Variants in DNAH10 observed in about 807,000 individuals in gnomAD.
DNAH10 encodes the protein axonemal beta dynein heavy chain 10.
Under a neutral mutation model 506.6 loss-of-function variants are expected in DNAH10, and 348 were observed. That is an observed-to-expected ratio of 0.69 (90% CI 0.63 to 0.75). The LOEUF (loss-of-function observed/expected upper bound fraction) is 0.75, where lower values mean the gene tolerates loss of function less well. Ranked by LOEUF, DNAH10 falls within the 30% of genes least tolerant of loss-of-function variation. The probability of loss-of-function intolerance (pLI) is 0.00; values close to 1 mark genes in which losing one functional copy is unlikely to be tolerated. For missense variants in DNAH10, 5,179 were observed against 5,787.1 expected (o/e 0.89, Z 3.41); for synonymous variants, 2,059 against 2,198.6 (o/e 0.94, Z 1.78).
chr12:123,845,075 A>G (rs897485980), intron 30 of DNAH10, among the ~76,000 whole-genome samples: 1 of 152,180 alleles, frequency 6.6e-6, no homozygotes, highest in Non-Finnish European at 1.5e-5. Context: ...ACAGTGCACA[A>G]TTGTAGTTGG....
intron 37 of DNAH10, among the ~76,000 whole-genome samples, chr12:123,858,071 G>A (rs1437330901): frequency 1.3e-5 from 2 of 151,674 alleles, no homozygotes; most frequent in East Asian, 3.9e-4. Context: ...TATATATATA[G>A]TTTTTTTTCA....
At chr12:123,789,084 T>C (rs1357983429) in intron 10 of DNAH10, among the ~76,000 whole-genome samples, 3 of 151,746 alleles carry the variant, frequency 2.0e-5, no homozygotes, top group Admixed American at 6.6e-5. Flanking sequence ...CCTGTCTCTA[T>C]GAAAAATACA....
At chr12:123,819,435 G>A (rs933361244) in intron 23 of DNAH10, among the ~76,000 whole-genome samples, 185 bp downstream of exon 23, 1 of 150,564 alleles carries the variant, frequency 6.6e-6, no homozygotes, top group Non-Finnish European at 1.5e-5. Context: ...GGATTAATGC[G>A]ACTCATTGAT....
intron 26 of DNAH10, among the ~76,000 whole-genome samples, chr12:123,832,746 CTG>C (rs1285310266): frequency 4.6e-5 from 7 of 152,306 alleles, no homozygotes; most frequent in African/African-American, 1.7e-4. Context: ...AATCTCATAA[CTG>C]TGCAGACTTC....
chr12:123,870,285 G>C, intron 43 of DNAH10, 81 bp from the exon 44 acceptor site: 1 of 1,535,078 alleles, frequency 6.5e-7, no homozygotes, highest in Non-Finnish European at 8.8e-7. Context: ...AGCAACATTA[G>C]TTCATTTCAA....
chr12:123,763,397 ACCT>A (rs1008688860), intron 1 of DNAH10, among the ~76,000 whole-genome samples: 3 of 151,682 alleles, frequency 2.0e-5, no homozygotes, highest in Non-Finnish European at 4.4e-5. Flanking sequence ...AGCTACCGGG[ACCT>A]CCTGCCTGGC....
rs1214641455 is a variant in DNAH10, at chr12:123,790,225, C to A, written c.1815+104C>A. Reference sequence around the variant, plus strand: ...TGATGCTTAGTCTTTTTTTTTAAATCACAAGTAATACCTGCTTATTAATTA... The same window carrying A: ...TGATGCTTAGTCTTTTTTTTTAAATAACAAGTAATACCTGCTTATTAATTA... On this transcript the variant is annotated intron_variant, in intron 11 of 78. Coordinates refer to ENST00000673944, the MANE Select transcript of DNAH10 (RefSeq NM_001372106.1). 7.6e-6 allele frequency: 9 copies of A among 1,176,928 alleles called. No individual in the cohort carries two copies. In the East Asian group the frequency reaches 1.9e-4, roughly 25 times the overall value. The allele number at this position is 1,176,928 out of a possible 1,614,324, so 72.9% of individuals were successfully genotyped here.
intron 65 of DNAH10, among the ~76,000 whole-genome samples, chr12:123,921,707 T>G (rs1344323743): frequency 7.1e-5 from 4 of 55,978 alleles, no homozygotes; most frequent in Non-Finnish European, 1.2e-4. Flanking sequence ...TTTTTTTTTT[T>G]TTTTTTTTTT....
chr12:123,903,213 C>T lies in DNAH10; in HGVS notation c.9815+100C>T. 1 of 1,367,478 alleles carries T rather than the reference C, an allele frequency of 7.3e-7. No individual in the cohort carries two copies. The highest frequency in any genetic ancestry group is 2.5e-5 in the East Asian group (1 of 39,608). 84.7% of individuals were successfully genotyped at this position (1,367,478 alleles called of 1,614,324 possible). On this transcript the variant is annotated intron_variant, in intron 57 of 78. Coordinates refer to ENST00000673944, the MANE Select transcript of DNAH10 (RefSeq NM_001372106.1). This position sits in a 1 kb window ranked among gnomAD's most constrained non-coding sequence, Gnocchi z 4.6. ...CAGGAGCTTACAAAGGAGCCGATGC[C>T]ACATGCTGCCACTGTGCCTGGCTCT...
intron 5 of DNAH10, among the ~76,000 whole-genome samples, chr12:123,776,913 T>C (rs922944167): frequency 6.6e-6 from 1 of 151,880 alleles, no homozygotes; most frequent in Non-Finnish European, 1.5e-5. Context: ...AAATATATAG[T>C]GTGTTAGACA....
Position 123,859,135 on chromosome 12 carries a change from T to C in DNAH10, c.6631-15T>C. 6.2e-7 allele frequency: 1 copy of C among 1,600,330 alleles called. No homozygotes were observed. Among genetic ancestry groups the C allele is most frequent in the Non-Finnish European group, 8.5e-7 (1 of 1,173,088 alleles). On this transcript the variant is annotated splice_polypyrimidine_tract_variant and intron_variant, in intron 37 of 78. Transcript: ENST00000673944. ...AGATAATGTTTTAGCCCAGCTGCCA[T>C]TGTTTGTCCCGCAGGTGGATAAAGT...
Position 123,762,426 on chromosome 12 carries a change from C to T in DNAH10, c.90C>T (p.Asn30=). 3 of 1,431,208 alleles carry T rather than the reference C, an allele frequency of 2.1e-6. No homozygotes were observed. The highest frequency in any genetic ancestry group is 3.0e-5 in the South Asian group (2 of 67,744). The allele number at this position is 1,431,208 out of a possible 1,614,324, so 88.7% of individuals were successfully genotyped here. Residue 30 remains asparagine (N), a synonymous_variant, in exon 1 of 79, where the codon AAC becomes AAT. Coordinates refer to ENST00000673944, the MANE Select transcript of DNAH10 (RefSeq NM_001372106.1). This position sits in a 1 kb window ranked among gnomAD's most constrained non-coding sequence, Gnocchi z 5.0. ...CCCAGCTTTTCGAGGACCTGCTCAACCGCGACGACGGCCAGGGCGAGGACC... is the reference window on the plus strand; with the variant it reads ...CCCAGCTTTTCGAGGACCTGCTCAATCGCGACGACGGCCAGGGCGAGGACC... ...TDPQLFEDLL[N]RDDGQGEDLI... is the part of the protein sequence containing the mutation.
intron 62 of DNAH10, 148 bp downstream of exon 62, chr12:123,915,147 C>T (rs984374041): frequency 2.4e-5 from 28 of 1,148,886 alleles, no homozygotes; most frequent in East Asian, 5.4e-5. Context: ...AGCCCTCCCC[C>T]GGCTCCGCCT....
rs1281234051 is a variant in DNAH10 at position 123,893,399 on chromosome 12, G to T, written c.9162G>T (p.Val3054=). Residue 3054 remains valine, a synonymous_variant, in exon 53 of 79, where the codon GTG becomes GTT. Transcript: ENST00000673944. ...ACATTGTCCTGGGCATGTCGCCAGTGGGGGACACCCTGAGGACCTGGTGCA... is the reference window on the plus strand; with the variant it reads ...ACATTGTCCTGGGCATGTCGCCAGTTGGGGACACCCTGAGGACCTGGTGCA... The part of the protein sequence containing the change: ...NLHIVLGMSP[V]GDTLRTWCRN... 4 of 1,613,224 alleles carry T rather than the reference G, an allele frequency of 2.5e-6. No homozygotes were observed. The highest frequency in any genetic ancestry group is 1.7e-5 in the Admixed American group (1 of 60,004).
At chr12:123,842,208 C>T (rs1030305430) in intron 30 of DNAH10, among the ~76,000 whole-genome samples, 1 of 152,218 alleles carries the variant, frequency 6.6e-6, no homozygotes, top group Admixed American at 6.5e-5. Context: ...TCCCAGCACC[C>T]TTAGCGTGTG....
intron 1 of DNAH10, among the ~76,000 whole-genome samples, chr12:123,763,659 G>T (rs1266720571): frequency 6.6e-6 from 1 of 151,142 alleles, no homozygotes; most frequent in Non-Finnish European, 1.5e-5. Context: ...TGCCTCCAGG[G>T]CTCAAGTGAT....
At position 123,931,707 on chromosome 12, in the gene DNAH10, C is replaced by A; in HGVS notation, c.12988C>A (p.Pro4330Thr). ...GGCCAAAGAAATAGAAAACAAGATGCCCAAAGTCTTTGACTTGGACCAGGT... is the reference window on the plus strand; with the variant it reads ...GGCCAAAGAAATAGAAAACAAGATGACCAAAGTCTTTGACTTGGACCAGGT... ...QVAKEIENKM[P>T]KVFDLDQVRK... is the part of the protein sequence containing the mutation. The change falls in exon 75 of 79, where the codon CCC becomes ACC. Residue 4330 changes from proline (P) to threonine (T), a missense_variant. This residue lies in a region of DNAH10 where 4,844 missense variants were observed against 5,430.5 expected (regional missense o/e 0.89). Transcript: ENST00000673944. 6.2e-7 allele frequency: 1 copy of A among 1,614,016 alleles called. No individual in the cohort carries two copies. Among genetic ancestry groups the A allele is most frequent in the Non-Finnish European group, 8.5e-7 (1 of 1,179,900 alleles).
intron 19 of DNAH10, 149 bp downstream of exon 19, chr12:123,809,102 C>A: frequency 1.0e-6 from 1 of 974,908 alleles, no homozygotes; most frequent in East Asian, 2.4e-5. Flanking sequence ...CAGTTTTCCC[C>A]ACTTCAGGAA....
Position 123,785,876 on chromosome 12 carries a change from G to C in DNAH10, c.1361G>C (p.Arg454Pro). 1 of 1,614,136 alleles carries C rather than the reference G, an allele frequency of 6.2e-7. No homozygotes were observed. Among genetic ancestry groups the C allele is most frequent in the Non-Finnish European group, 8.5e-7 (1 of 1,179,972 alleles). The change falls in exon 9 of 79, where the codon CGC (arginine) becomes CCC (proline). Residue 454 changes from arginine (R) to proline (P), a missense_variant. Transcript: ENST00000673944. This position sits in a 1 kb window ranked among gnomAD's most constrained non-coding sequence, Gnocchi z 4.1. ...KDERMIPLME[R>P]IAWEIAERVC... is the part of the protein sequence containing the mutation. ...GAGAGGATGATTCCGCTCATGGAGCGCATCGCCTGGGAAATCGCTGAGAGA... is the reference window on the plus strand; with the variant it reads ...GAGAGGATGATTCCGCTCATGGAGCCCATCGCCTGGGAAATCGCTGAGAGA...
Sources: allele counts gnomAD v4.1 joint callset (sites outside exome capture counted in the v4.1 genomes callset), GRCh38; gene constraint gnomAD v4.1.1; regional missense constraint gnomAD v4.1.1; non-coding constraint Gnocchi (gnomAD v3.1); transcripts MANE v1.5; gene names NCBI Gene and HGNC (gene_info 2026-07-23, HGNC 2026-07-21).